RFX3: variants seen among roughly 807,000 people sequenced by gnomAD.
RFX3 encodes regulatory factor X3.
A neutral mutation model predicts 98.6 loss-of-function variants in RFX3; 14 were observed. That is an observed-to-expected ratio of 0.14 (90% CI 0.09 to 0.22). The LOEUF (loss-of-function observed/expected upper bound fraction) is 0.22. Among genes scored for constraint, RFX3 ranks in the 10% least tolerant of loss-of-function variants. The pLI, the probability that RFX3 is intolerant of heterozygous loss-of-function variation, is 1.00. For synonymous variants in RFX3, 383 were observed against 328.4 expected (o/e 1.17, Z -1.80); for missense variants, 639 against 926.9 (o/e 0.69, Z 4.03).
chr9:3,266,091 T>C (rs554788538), intron 12 of RFX3, 117 bp downstream of exon 12: 60 of 521,010 alleles, frequency 1.2e-4, no homozygotes, highest in African/African-American at 1.1e-3. Context: ...TTTTAAAAGA[T>C]GATGTATGTT....
intron 1 of RFX3, among the ~76,000 whole-genome samples, chr9:3,477,545 T>C (rs1341148846): frequency 6.6e-6 from 1 of 152,202 alleles, no homozygotes; most frequent in Non-Finnish European, 1.5e-5. Context: ...ATTAAGCCTA[T>C]TGAGGATTCC....
At chr9:3,409,454 C>G (rs1842273019) in intron 1 of RFX3, among the ~76,000 whole-genome samples, 2 of 152,120 alleles carry the variant, frequency 1.3e-5, no homozygotes, top group African/African-American at 4.8e-5. Context: ...GTTGAAATTG[C>G]AATGGAAAAA....
intron 1 of RFX3, among the ~76,000 whole-genome samples, chr9:3,496,933 T>A (rs1313869644): frequency 6.6e-6 from 1 of 152,048 alleles, no homozygotes. Flanking sequence ...TGTGGAAATT[T>A]CACAGATCCA....
At chr9:3,451,732 A>T (rs1435829112) in intron 1 of RFX3, among the ~76,000 whole-genome samples, 1 of 152,144 alleles carries the variant, frequency 6.6e-6, no homozygotes, top group East Asian at 1.9e-4. Flanking sequence ...TATTAATAAT[A>T]GGGGAAACTG....
chr9:3,382,139 C>G (rs879841861), intron 2 of RFX3, among the ~76,000 whole-genome samples: 1 of 152,132 alleles, frequency 6.6e-6, no homozygotes, highest in Non-Finnish European at 1.5e-5. Context: ...CTTCAGTGAT[C>G]TTCCTGCTAA....
intron 2 of RFX3, among the ~76,000 whole-genome samples, chr9:3,376,394 G>A (rs1838497632): frequency 6.6e-6 from 1 of 152,046 alleles, no homozygotes; most frequent in Non-Finnish European, 1.5e-5. Context: ...TTTGAGACCA[G>A]AAACAACCTA....
intron 1 of RFX3, among the ~76,000 whole-genome samples, chr9:3,396,111 C>G (rs543656735): frequency 6.6e-6 from 1 of 151,560 alleles, no homozygotes; most frequent in South Asian, 2.1e-4. Context: ...CATATGTATA[C>G]GTGTGCCATG....
At chr9:3,250,423 C>T (rs1821229768) in intron 14 of RFX3, among the ~76,000 whole-genome samples, 1 of 151,510 alleles carries the variant, frequency 6.6e-6, no homozygotes. Context: ...AGTAAGATAC[C>T]CTATATAATC....
At chr9:3,240,503 C>A (rs1257230482) in intron 15 of RFX3, among the ~76,000 whole-genome samples, 2 of 152,146 alleles carry the variant, frequency 1.3e-5, no homozygotes, top group Non-Finnish European at 2.9e-5. Flanking sequence ...ACTGGAGAGA[C>A]AATCAGAGTG....
intron 1 of RFX3, among the ~76,000 whole-genome samples, chr9:3,396,286 C>T (rs571036950): frequency 6.6e-5 from 10 of 151,926 alleles, no homozygotes; most frequent in Admixed American, 5.2e-4. Context: ...TGAGAACATG[C>T]GGTGTTTGGT....
At chr9:3,289,747 T>G (rs139867094) in intron 6 of RFX3, among the ~76,000 whole-genome samples, 1 of 152,126 alleles carries the variant, frequency 6.6e-6, no homozygotes, top group Non-Finnish European at 1.5e-5. Context: ...TCTTCTTTAC[T>G]CAAATTTAAC....
intron 1 of RFX3, among the ~76,000 whole-genome samples, chr9:3,467,180 A>C (rs1335020894): frequency 7.1e-6 from 1 of 141,064 alleles, no homozygotes. Context: ...TAATGTATAT[A>C]TGTATATACA....
chr9:3,319,416 A>G (rs1388843911), intron 4 of RFX3, among the ~76,000 whole-genome samples: 1 of 152,142 alleles, frequency 6.6e-6, no homozygotes, highest in Non-Finnish European at 1.5e-5. Context: ...ATAAATAGGT[A>G]GGTAACGGAC....
intron 1 of RFX3, among the ~76,000 whole-genome samples, chr9:3,406,597 C>G (rs1008098837): frequency 6.6e-6 from 1 of 152,102 alleles, no homozygotes; most frequent in Non-Finnish European, 1.5e-5. Context: ...AATATATACA[C>G]AGAATCTTTG....
rs116112521 is a variant in RFX3 at position 3,400,675 on chromosome 9, G to T, written c.-8-5079C>A. Among the ~76,000 whole-genome samples, 358 of 152,104 alleles carry T rather than the reference G, an allele frequency of 2.4e-3. 1 individual carries two copies. The highest frequency in any genetic ancestry group is 8.1e-3 in the African/African-American group (338 of 41,490). On this transcript the variant is annotated intron_variant, in intron 1 of 16. Coordinates refer to ENST00000617270, the MANE Select transcript of RFX3 (RefSeq NM_001282116.2). ...TTTGCCAAGCTTTATGACATTAGAGGGTATCAATCATATCCCTTCCACAGA... is the reference window on the plus strand; with the variant it reads ...TTTGCCAAGCTTTATGACATTAGAGTGTATCAATCATATCCCTTCCACAGA...
intron 4 of RFX3, among the ~76,000 whole-genome samples, chr9:3,312,812 G>A (rs1043235497): frequency 1.3e-5 from 2 of 152,218 alleles, no homozygotes; most frequent in Non-Finnish European, 2.9e-5. Context: ...CAGTGAGGCT[G>A]GGAGAGGGGC....
At chr9:3,361,600 C>T (rs879904975) in intron 2 of RFX3, among the ~76,000 whole-genome samples, 7 of 144,566 alleles carry the variant, frequency 4.8e-5, no homozygotes, top group Non-Finnish European at 9.0e-5. Flanking sequence ...GGCGGGAGGA[C>T]TGTTTGAGCC....
chr9:3,447,120 A>C (rs1846122794), intron 1 of RFX3, among the ~76,000 whole-genome samples: 2 of 152,088 alleles, frequency 1.3e-5, no homozygotes, highest in East Asian at 3.8e-4. Context: ...AAAAATTCAC[A>C]CCTTGATAAT....
chr9:3,235,768 G>A (rs1188946578), intron 15 of RFX3, among the ~76,000 whole-genome samples: 1 of 152,002 alleles, frequency 6.6e-6, no homozygotes, highest in Non-Finnish European at 1.5e-5. Flanking sequence ...TTAGTATGTA[G>A]TATTCTACAT....
Sources: gnomAD v4.1 joint callset for allele counts (sites outside exome capture counted in the v4.1 genomes callset) on GRCh38, gnomAD v4.1.1 for gene constraint, MANE v1.5 for transcripts, NCBI Gene and HGNC (gene_info 2026-07-23, HGNC 2026-07-21) for gene names.